The following GRID2 variants were observed in gnomAD, a reference collection of about 807,000 sequenced individuals.
The protein encoded by GRID2 is glutamate receptor ionotropic, delta-2.
A neutral mutation model predicts 114.8 loss-of-function variants in GRID2; 33 were observed. The ratio of observed to expected loss-of-function variants is 0.29; its 90% CI spans 0.22 to 0.38. GRID2 has a LOEUF of 0.38. Ranked by LOEUF, GRID2 falls within the 10% of genes least tolerant of loss-of-function variation. GRID2 has a pLI of 1.00. For synonymous variants in GRID2, 505 were observed against 449.9 expected (o/e 1.12, Z -1.55); for missense variants, 1,184 against 1,257.7 (o/e 0.94, Z 0.89).
chr4:92,954,211 A>G (rs1470818573), intron 2 of GRID2, among the ~76,000 whole-genome samples: 2 of 152,118 alleles, frequency 1.3e-5, no homozygotes, highest in African/African-American at 4.8e-5. Flanking sequence ...GTATATATGT[A>G]TACACACAAA....
At chr4:92,758,352 A>G (rs1698817160) in intron 2 of GRID2, among the ~76,000 whole-genome samples, 1 of 152,002 alleles carries the variant, frequency 6.6e-6, no homozygotes, top group Admixed American at 6.6e-5. Flanking sequence ...TTCACTCAGG[A>G]TTTTGTTCTA....
chr4:93,288,871 A>ATAAC (rs1753448782), intron 8 of GRID2, among the ~76,000 whole-genome samples: 1 of 152,152 alleles, frequency 6.6e-6, no homozygotes, highest in African/African-American at 2.4e-5. Flanking sequence ...GTCTTGTTAA[A>ATAAC]GTGAGAAGTA....
chr4:93,542,030 G>T (rs753272012), intron 13 of GRID2, among the ~76,000 whole-genome samples: 7 of 152,096 alleles, frequency 4.6e-5, no homozygotes, highest in Non-Finnish European at 8.8e-5. Flanking sequence ...TCCTTACTTT[G>T]CCCAACTTGG....
At chr4:92,421,588 C>T (rs1344141818) in intron 1 of GRID2, among the ~76,000 whole-genome samples, 1 of 152,046 alleles carries the variant, frequency 6.6e-6, no homozygotes, top group East Asian at 1.9e-4. Flanking sequence ...GTAGTGGGTC[C>T]AAGGCTGCTG....
In GRID2 at chr4:93,075,883, C is replaced by CTT. The variant is rs10706922; in HGVS notation, c.245-9075_245-9074dup. Among the ~76,000 whole-genome samples the CTT allele has an allele frequency of 5.4e-4, 41 of 76,598 alleles. 4 individuals carry two copies. Among genetic ancestry groups the CTT allele is most frequent in the African/African-American group, 1.3e-3 (24 of 18,770 alleles). 50.3% of individuals were successfully genotyped at this position (76,598 alleles called of 152,430 possible). On this transcript the variant is annotated intron_variant, in intron 2 of 15. Transcript: ENST00000282020. ...GTATTGGGATGTCGAAGTTACCTCT[C>CTT]TTTTTTTTTTTTTTTTTTTTTTTTT...
At chr4:92,436,545 C>G (rs898088521) in intron 1 of GRID2, among the ~76,000 whole-genome samples, 2 of 151,912 alleles carry the variant, frequency 1.3e-5, no homozygotes, top group African/African-American at 2.4e-5. Context: ...ATTTGTTTAA[C>G]TGACATAAGT....
intron 1 of GRID2, among the ~76,000 whole-genome samples, chr4:92,369,382 A>G (rs1043738853): frequency 6.6e-6 from 1 of 152,128 alleles, no homozygotes; most frequent in Non-Finnish European, 1.5e-5. Flanking sequence ...AACCAATTCA[A>G]TTGTTAAATA....
At chr4:93,233,762 G>A (rs993113121) in intron 7 of GRID2, among the ~76,000 whole-genome samples, 3 of 152,110 alleles carry the variant, frequency 2.0e-5, no homozygotes, top group African/African-American at 2.4e-5. Flanking sequence ...CCAATTAAGA[G>A]GCTAATCTTC....
At chr4:92,400,841 A>G (rs956608716) in intron 1 of GRID2, among the ~76,000 whole-genome samples, 57 of 152,124 alleles carry the variant, frequency 3.7e-4, no homozygotes, top group African/African-American at 1.3e-3. Flanking sequence ...CCTTGCCCTA[A>G]AGACTCATGA....
At chr4:93,782,166 C>T (rs977166812) in intron 1 of GRID2, among the ~76,000 whole-genome samples, 1 of 152,064 alleles carries the variant, frequency 6.6e-6, no homozygotes, top group African/African-American at 2.4e-5. Flanking sequence ...TGACTCAAAT[C>T]GCTATCTTGA....
intron 8 of GRID2, among the ~76,000 whole-genome samples, chr4:93,284,280 A>T (rs908248765): frequency 1.3e-5 from 2 of 152,014 alleles, no homozygotes; most frequent in Non-Finnish European, 2.9e-5. Context: ...ATATTAGAAG[A>T]GCTAGATCCA....
At chr4:92,599,099 C>T (rs1179709793) in intron 2 of GRID2, among the ~76,000 whole-genome samples, 1 of 145,806 alleles carries the variant, frequency 6.9e-6, no homozygotes, top group African/African-American at 2.6e-5. Context: ...CTAGTCAGCA[C>T]AGGAAGATGA....
At chr4:92,547,420 G>A (rs957202611) in intron 1 of GRID2, among the ~76,000 whole-genome samples, 6 of 152,092 alleles carry the variant, frequency 3.9e-5, no homozygotes, top group African/African-American at 1.4e-4. Flanking sequence ...TGTATGAGTT[G>A]ATTAAACATT....
chr4:92,808,095 A>AT, intron 2 of GRID2, among the ~76,000 whole-genome samples: 1 of 152,060 alleles, frequency 6.6e-6, no homozygotes, highest in African/African-American at 2.4e-5. Context: ...CAGGAGAGAG[A>AT]TTTTTTGGTG....
chr4:93,506,853 G>A (rs1277217330), intron 12 of GRID2, among the ~76,000 whole-genome samples: 1 of 152,148 alleles, frequency 6.6e-6, no homozygotes, highest in Non-Finnish European at 1.5e-5. Context: ...GGCTTCTGCT[G>A]TGTTGAGGAG....
At chr4:93,677,744 C>A (rs1725051665) in intron 14 of GRID2, among the ~76,000 whole-genome samples, 1 of 152,124 alleles carries the variant, frequency 6.6e-6, no homozygotes, top group African/African-American at 2.4e-5. Context: ...GGAAAACTAA[C>A]AAACAGAAAG....
chr4:92,760,049 G>A (rs1737916644), intron 2 of GRID2, among the ~76,000 whole-genome samples: 1 of 151,216 alleles, frequency 6.6e-6, no homozygotes, highest in Non-Finnish European at 1.5e-5. Context: ...AGACCAGCCT[G>A]TCCAATATGG....
chr4:93,325,200 T>G (rs915953736), intron 8 of GRID2, among the ~76,000 whole-genome samples: 2 of 152,204 alleles, frequency 1.3e-5, no homozygotes, highest in Admixed American at 6.5e-5. Flanking sequence ...TTCTACACAC[T>G]GCTTTAAGTG....
Position 92,824,347 on chromosome 4 carries a change from A to G in GRID2, c.244+234061A>G, listed in dbSNP as rs144956391. 5.3e-5 allele frequency among the ~76,000 whole-genome samples: 8 copies of G among 152,190 alleles called. No homozygotes were observed. The East Asian group carries it at 1.5e-3, about 29-fold the overall frequency. On this transcript the variant is annotated intron_variant, in intron 2 of 15. Transcript: ENST00000282020. ...TTTAAGTCTCTGCTGTGTAGTAGCT[A>G]TGATTTTTTTCCCCATTTCTTTTGT...
Sources: allele counts gnomAD v4.1 joint callset (sites outside exome capture counted in the v4.1 genomes callset), GRCh38; gene constraint gnomAD v4.1.1; transcripts MANE v1.5; gene names NCBI Gene and HGNC (gene_info 2026-07-23, HGNC 2026-07-21).